BMP3: variants seen among roughly 807,000 people sequenced by gnomAD.
BMP3 encodes the protein bone morphogenetic protein 3, also known as bone morphogenetic protein 3 (osteogenic).
A neutral mutation model predicts 38.1 loss-of-function variants in BMP3; 23 were observed. The observed-to-expected ratio is 0.60, with a 90% CI of 0.43 to 0.86. The LOEUF (loss-of-function observed/expected upper bound fraction) is 0.86. Ranked by LOEUF, BMP3 falls within the 40% of genes least tolerant of loss-of-function variation. The pLI, the probability that BMP3 is intolerant of heterozygous loss-of-function variation, is 0.00. For missense variants in BMP3, 628 were observed against 579.6 expected (o/e 1.08, Z -0.86); for synonymous variants, 258 against 225.7 (o/e 1.14, Z -1.28).
At chr4:81,045,066 A>G (rs1391457454) in intron 1 of BMP3, among the ~76,000 whole-genome samples, 2 of 152,192 alleles carry the variant, frequency 1.3e-5, no homozygotes, top group South Asian at 2.1e-4. Flanking sequence ...ACCATTTTGC[A>G]TTCCCACCAG....
intron 2 of BMP3, among the ~76,000 whole-genome samples, chr4:81,048,414 T>C (rs1377893457): frequency 6.6e-6 from 1 of 152,200 alleles, no homozygotes; most frequent in Non-Finnish European, 1.5e-5. Flanking sequence ...GGGTAATATA[T>C]TCTGGGTAGC....
In BMP3 at chr4:81,055,809, A is replaced by G. The variant is rs1052005620; in HGVS notation, c.*2273A>G. 7 of 152,196 alleles carry G rather than the reference A, an allele frequency of 4.6e-5. No individual in the cohort carries two copies. The highest frequency in any genetic ancestry group is 8.8e-5 in the Non-Finnish European group (6 of 68,038). The allele number at this position is 152,196 out of a possible 1,614,324, so 9.4% of individuals were successfully genotyped here. Reference sequence around the variant, plus strand: ...CCACTACATAATAAAATTTACAGGTACTAACTAGTTAAGATTATATTTTAA... The same window carrying G: ...CCACTACATAATAAAATTTACAGGTGCTAACTAGTTAAGATTATATTTTAA... On this transcript the variant is annotated 3_prime_UTR_variant, in exon 3 of 3. Coordinates refer to ENST00000282701, the MANE Select transcript of BMP3 (RefSeq NM_001201.5).
In BMP3 at chr4:81,032,194, C is replaced by CAAAAAAAAAAAAAAAA. The variant is rs5859748; in HGVS notation, c.316+605_316+620dup. Among the ~76,000 whole-genome samples the CAAAAAAAAAAAAAAAA allele has an allele frequency of 5.4e-4, 40 of 74,034 alleles. 4 individuals are homozygous for CAAAAAAAAAAAAAAAA. Among genetic ancestry groups the CAAAAAAAAAAAAAAAA allele is most frequent in the African/African-American group, 1.8e-3 (38 of 20,692 alleles). 48.6% of individuals were successfully genotyped at this position (74,034 alleles called of 152,430 possible). A position where few individuals can be genotyped will look rare whatever the true frequency, so the allele number is the denominator to read the frequency against. On this transcript the variant is annotated intron_variant, in intron 1 of 2. Transcript: ENST00000282701. ...ACTTTACTTGATAGTTCCTTAGTGG[C>CAAAAAAAAAAAAAAAA]AAAAAAAAAAAAAAAAAAAAAAAAA... is the stretch of plus-strand genomic sequence containing the variant.
chr4:81,050,779 G>A (rs1740382492), intron 2 of BMP3, among the ~76,000 whole-genome samples: 1 of 152,066 alleles, frequency 6.6e-6, no homozygotes, highest in Admixed American at 6.6e-5. Flanking sequence ...TTGAAGTCGT[G>A]CTTCACCCTC....
At chr4:81,052,399 G>A (rs1436143132) in intron 2 of BMP3, among the ~76,000 whole-genome samples, 2 of 152,138 alleles carry the variant, frequency 1.3e-5, no homozygotes, top group South Asian at 2.1e-4. Context: ...AAAAATGACT[G>A]TTCCTTTAGT....
In BMP3 at chr4:81,049,216, T is replaced by G. The variant is rs72870275; in HGVS notation, c.1227+2568T>G. On this transcript the variant is annotated intron_variant, in intron 2 of 2. Transcript: ENST00000282701. Reference sequence around the variant, plus strand: ...GACTGAGGAGAAAGAAAAGCAAACGTAGGACTCTGAAGAAAGACTACATAG... The same window carrying G: ...GACTGAGGAGAAAGAAAAGCAAACGGAGGACTCTGAAGAAAGACTACATAG... 9.0e-3 allele frequency among the ~76,000 whole-genome samples: 1,377 copies of G among 152,242 alleles called. 25 individuals are homozygous for G. Among genetic ancestry groups the G allele is most frequent in the African/African-American group, 0.03 (1,227 of 41,530 alleles).
Position 81,055,839 on chromosome 4 carries a change from C to T in BMP3, c.*2303C>T, listed in dbSNP as rs1295380225. On this transcript the variant is annotated 3_prime_UTR_variant, in exon 3 of 3. Transcript: ENST00000282701. ...CTAGTTAAGATTATATTTTAAGTAG[C>T]AATTGATATAAAATTACAACACAAT... is the stretch of plus-strand genomic sequence containing the variant. 6.6e-6 allele frequency: 1 copy of T among 152,074 alleles called. No homozygotes were observed. The highest frequency in any genetic ancestry group is 1.5e-5 in the Non-Finnish European group (1 of 68,010). 9.4% of individuals were successfully genotyped at this position (152,074 alleles called of 1,614,324 possible).
At chr4:81,038,633 A>G (rs1473955821) in intron 1 of BMP3, among the ~76,000 whole-genome samples, 1 of 152,234 alleles carries the variant, frequency 6.6e-6, no homozygotes, top group African/African-American at 2.4e-5. Flanking sequence ...TAATGAACTG[A>G]AAGGAAATAT....
In BMP3 at chr4:81,031,200, C is replaced by CCCT. The variant is rs1739746002; in HGVS notation, c.-83_-81dup. 2 of 1,412,348 alleles carry CCCT rather than the reference C, an allele frequency of 1.4e-6. No individual in the cohort carries two copies. The highest frequency in any genetic ancestry group is 1.9e-6 in the Non-Finnish European group (2 of 1,065,610). 87.5% of individuals were successfully genotyped at this position (1,412,348 alleles called of 1,614,324 possible). A position where few individuals can be genotyped will look rare whatever the true frequency, so the allele number is the denominator to read the frequency against. On this transcript the variant is annotated 5_prime_UTR_variant, in exon 1 of 3. Transcript: ENST00000282701. ...TCGCCCCAGCTGGTTTGGAGTTCAA[C>CCCT]CCTCGGCTCCGCCGCCGGCTCCTTG...
At chr4:81,039,553 C>A (rs1323675409) in intron 1 of BMP3, among the ~76,000 whole-genome samples, 1 of 152,138 alleles carries the variant, frequency 6.6e-6, no homozygotes, top group East Asian at 1.9e-4. Flanking sequence ...CAGAACCCGA[C>A]TTCCTGAAAT....
At chr4:81,040,579 C>T (rs371751703) in intron 1 of BMP3, among the ~76,000 whole-genome samples, 78 of 152,276 alleles carry the variant, frequency 5.1e-4, no homozygotes, top group African/African-American at 1.8e-3. Context: ...GAAAATAATT[C>T]TCATATCATT....
chr4:81,045,775 G>C lies in BMP3; in HGVS notation c.354G>C (p.Leu118=). Reference sequence around the variant, plus strand: ...GAAAAGGACTGTATATCTTCAATCTGACATCGCTAACCAAGTCTGAAAACA... The same window carrying C: ...GAAAAGGACTGTATATCTTCAATCTCACATCGCTAACCAAGTCTGAAAACA... ...LERKGLYIFN[L]TSLTKSENIL... is the part of the protein sequence containing the mutation. Residue 118 remains leucine (L), a synonymous_variant, in exon 2 of 3, where the codon CTG becomes CTC. Coordinates refer to ENST00000282701, the MANE Select transcript of BMP3 (RefSeq NM_001201.5). The C allele has an allele frequency of 6.2e-7, 1 of 1,611,688 alleles. No individual in the cohort carries two copies. The highest frequency in any genetic ancestry group is 1.3e-5 in the African/African-American group (1 of 74,930).
intron 1 of BMP3, among the ~76,000 whole-genome samples, chr4:81,041,261 G>A (rs1354102274): frequency 6.6e-6 from 1 of 152,076 alleles, no homozygotes; most frequent in African/African-American, 2.4e-5. Flanking sequence ...CATGCTGCTC[G>A]CTTATTACAA....
chr4:81,053,525 G>A lies in BMP3; in HGVS notation c.1408G>A (p.Ala470Thr), dbSNP rs763946969. 9.5e-5 allele frequency: 144 copies of A among 1,507,894 alleles called. No individual in the cohort carries two copies. Among genetic ancestry groups the A allele is most frequent in the Non-Finnish European group, 1.1e-4 (125 of 1,128,764 alleles). The allele number at this position is 1,507,894 out of a possible 1,614,324, so 93.4% of individuals were successfully genotyped here. ...CCCTAACATGACAGTAGAGTCTTGC[G>A]CTTGCAGATAACCTGGCAAAGAACT... ...VYPNMTVESC[A>T]CR is the part of the protein sequence containing the mutation. Residue 470 changes from alanine (A) to threonine (T), a missense_variant, in exon 3 of 3, where the codon GCT (alanine) becomes ACT (threonine). By Grantham distance (58) the Ala-to-Thr change is moderately conservative. Transcript: ENST00000282701.
chr4:81,031,273 G>A lies in BMP3; in HGVS notation c.-12G>A, dbSNP rs1207889193. On this transcript the variant is annotated 5_prime_UTR_variant, in exon 1 of 3. Transcript: ENST00000282701. ...GACGCCGGGAGCCGACGCGCCGCGC[G>A]GGTACCTAGCCATGGCTGGGGCGAG... The A allele has an allele frequency of 1.9e-6, 3 of 1,579,706 alleles. No homozygotes were observed. In the African/African-American group the frequency reaches 4.1e-5, roughly 21 times the overall value.
At chr4:81,036,858 C>G (rs1425359367) in intron 1 of BMP3, among the ~76,000 whole-genome samples, 1 of 151,944 alleles carries the variant, frequency 6.6e-6, no homozygotes, top group Non-Finnish European at 1.5e-5. Flanking sequence ...CAGCAGTACT[C>G]CTGGATAACA....
At chr4:81,039,372 A>T (rs1292960966) in intron 1 of BMP3, among the ~76,000 whole-genome samples, 1 of 152,214 alleles carries the variant, frequency 6.6e-6, no homozygotes, top group Non-Finnish European at 1.5e-5. Context: ...TTTTAAAATC[A>T]GACTTTACAT....
At chr4:81,035,862 A>C (rs181733347) in intron 1 of BMP3, among the ~76,000 whole-genome samples, 1 of 152,142 alleles carries the variant, frequency 6.6e-6, no homozygotes, top group East Asian at 1.9e-4. Context: ...AAAGGCGAAT[A>C]CTTTCTCCTG....
chr4:81,054,309 C>A lies in BMP3; in HGVS notation c.*773C>A, dbSNP rs1453656695. 6.6e-6 allele frequency: 1 copy of A among 152,518 alleles called. No homozygotes were observed. The highest frequency in any genetic ancestry group is 1.5e-5 in the Non-Finnish European group (1 of 68,022). 9.4% of individuals were successfully genotyped at this position (152,518 alleles called of 1,614,324 possible). A position where few individuals can be genotyped will look rare whatever the true frequency, so the allele number is the denominator to read the frequency against. Reference sequence around the variant, plus strand: ...TGACCCAGCTATTTAATTGCAAATACAGTTGTTTTCATTTCATTTCCTACC... The same window carrying A: ...TGACCCAGCTATTTAATTGCAAATAAAGTTGTTTTCATTTCATTTCCTACC... On this transcript the variant is annotated 3_prime_UTR_variant, in exon 3 of 3. Transcript: ENST00000282701.
Sources: allele counts gnomAD v4.1 joint callset (sites outside exome capture counted in the v4.1 genomes callset), GRCh38; gene constraint gnomAD v4.1.1; transcripts MANE v1.5; gene names NCBI Gene and HGNC (gene_info 2026-07-23, HGNC 2026-07-21).